CELF2: variants seen among roughly 807,000 people sequenced by gnomAD.
The protein encoded by CELF2 is CUG triplet repeat RNA-binding protein 2.
A neutral mutation model predicts 62.6 loss-of-function variants in CELF2; 8 were observed. The ratio of observed to expected loss-of-function variants is 0.13; its 90% confidence interval spans 0.07 to 0.23. The LOEUF (loss-of-function observed/expected upper bound fraction) is 0.23. Among genes scored for constraint, CELF2 ranks in the 10% least tolerant of loss-of-function variants. The pLI, the probability that CELF2 is intolerant of heterozygous loss-of-function variation, is 1.00. For missense variants in CELF2, 333 were observed against 671.0 expected, an observed-to-expected ratio of 0.50 and a Z score of 5.56; for synonymous variants, 258 against 250.0, an observed-to-expected ratio of 1.03 and a Z score of -0.30.
chr10:10,547,959 C>A, the CELF2 span, among the ~76,000 whole-genome samples: 1 of 152,064 alleles, frequency 6.6e-6, no homozygotes, highest in Non-Finnish European at 1.5e-5. Flanking sequence ...GAGAGGGATG[C>A]CATTCATAAA....
intron 2 of CELF2, among the ~76,000 whole-genome samples, chr10:10,948,938 C>T (rs1049518197): frequency 2.6e-5 from 4 of 152,254 alleles, no homozygotes; most frequent in African/African-American, 9.6e-5. Context: ...AAGTTTCCTG[C>T]TCCTGAGTGT....
the CELF2 span, among the ~76,000 whole-genome samples, chr10:10,626,284 C>T: frequency 6.6e-6 from 1 of 152,060 alleles, no homozygotes; most frequent in Non-Finnish European, 1.5e-5. Flanking sequence ...CTCATTCCTT[C>T]GAAAGGAAAG....
chr10:11,259,853 T>C (rs1002145067), intron 5 of CELF2, among the ~76,000 whole-genome samples: 1 of 152,230 alleles, frequency 6.6e-6, no homozygotes, highest in Non-Finnish European at 1.5e-5. Context: ...GAATAAAATA[T>C]GTAGAAAGAT....
At chr10:10,501,382 C>T in the CELF2 span, among the ~76,000 whole-genome samples, 1 of 152,154 alleles carries the variant, frequency 6.6e-6, no homozygotes, top group East Asian at 1.9e-4. Flanking sequence ...TTTTCAGGTG[C>T]TTATTTGACT....
At chr10:10,892,957 A>T (rs1055353155) in intron 1 of CELF2, among the ~76,000 whole-genome samples, 2 of 152,240 alleles carry the variant, frequency 1.3e-5, no homozygotes, top group Non-Finnish European at 2.9e-5. Context: ...ACAAAGAAAG[A>T]GGAAAATGTT....
the CELF2 span, among the ~76,000 whole-genome samples, chr10:10,685,538 A>G: frequency 6.6e-6 from 1 of 152,208 alleles, no homozygotes; most frequent in African/African-American, 2.4e-5. Flanking sequence ...ATCAGAATGT[A>G]TTTTAGATAG....
intron 2 of CELF2, among the ~76,000 whole-genome samples, chr10:11,216,364 G>A (rs551746366): frequency 1.1e-4 from 17 of 152,242 alleles, no homozygotes; most frequent in South Asian, 2.1e-4. Context: ...GTCTGGCTCC[G>A]TGCGTTATGT....
chr10:10,806,642 A>T (rs1174422273), intron 1 of CELF2, among the ~76,000 whole-genome samples: 1 of 152,200 alleles, frequency 6.6e-6, no homozygotes, highest in African/African-American at 2.4e-5. Context: ...GTATCAGATC[A>T]TGGAGCCAAA....
chr10:11,172,870 G>C (rs928282190), intron 2 of CELF2, among the ~76,000 whole-genome samples: 5 of 151,978 alleles, frequency 3.3e-5, no homozygotes, highest in African/African-American at 1.2e-4. Context: ...TGGAATTAAA[G>C]TAGCAGAAGA....
In CELF2 at chr10:11,008,867, T is replaced by A. The variant is rs1010731253; in HGVS notation, c.53+3427T>A. On this transcript the variant is annotated intron_variant, in intron 1 of 12. Coordinates refer to the CELF2 transcript ENST00000416382. The surrounding 1 kb of genome is among the most constrained non-coding windows in gnomAD (Gnocchi z 4.5). ...ATGCAGTTTGTTTTGTGGCATCATC[T>A]TCTTTGTGGCATTGATCTGTACTTT... Among the ~76,000 whole-genome samples, 1 of 152,182 alleles carries A rather than the reference T, an allele frequency of 6.6e-6. No individual in the cohort carries two copies. Among genetic ancestry groups the A allele is most frequent in the Admixed American group, 6.5e-5 (1 of 15,278 alleles).
At chr10:10,657,806 T>G in the CELF2 span, among the ~76,000 whole-genome samples, 1 of 152,236 alleles carries the variant, frequency 6.6e-6, no homozygotes, top group Non-Finnish European at 1.5e-5. Context: ...ATACAAGATG[T>G]TCATTATAAT....
chr10:10,973,229 C>A (rs2050949667), intron 2 of CELF2, among the ~76,000 whole-genome samples: 1 of 151,384 alleles, frequency 6.6e-6, no homozygotes, highest in Non-Finnish European at 1.5e-5. Context: ...TGCAGTGAGC[C>A]GAGACCACAC....
intron 1 of CELF2, among the ~76,000 whole-genome samples, chr10:11,043,695 G>T (rs769555006): frequency 6.6e-5 from 10 of 152,144 alleles, no homozygotes; most frequent in Non-Finnish European, 1.5e-4. Context: ...CAACAACCTT[G>T]TGGGTTCCGC....
intron 9 of CELF2, among the ~76,000 whole-genome samples, chr10:11,312,589 G>A (rs2094621353): frequency 6.6e-6 from 1 of 152,218 alleles, no homozygotes; most frequent in African/African-American, 2.4e-5. Context: ...ATATATGAAA[G>A]AGTAGGAATA....
the CELF2 span, among the ~76,000 whole-genome samples, chr10:10,554,022 G>A: frequency 6.6e-6 from 1 of 152,172 alleles, no homozygotes. Flanking sequence ...AGACTGGAAA[G>A]TGGCAGGAAT....
intron 1 of CELF2, among the ~76,000 whole-genome samples, chr10:10,894,002 A>C (rs1591627828): frequency 6.6e-6 from 1 of 152,294 alleles, no homozygotes; most frequent in East Asian, 1.9e-4. Flanking sequence ...GGAATCAGAG[A>C]GCGTTCTTGG....
In CELF2 at chr10:11,150,202, C is replaced by T. The variant is rs184271112; in HGVS notation, c.75-15284C>T. On this transcript the variant is annotated intron_variant, in intron 1 of 12. Coordinates refer to ENST00000633077, the MANE Select transcript of CELF2 (RefSeq NM_001326342.2). ...ATCAGTCATCTAGAAAACAAACATACACACTTTGTGATTTTCAAAGAAAAT... is the reference window on the plus strand; with the variant it reads ...ATCAGTCATCTAGAAAACAAACATATACACTTTGTGATTTTCAAAGAAAAT... Among the ~76,000 whole-genome samples the T allele has an allele frequency of 3.1e-3, 468 of 152,290 alleles. 3 individuals carry two copies. The highest frequency in any genetic ancestry group is 0.011 in the African/African-American group (446 of 41,546).
intron 1 of CELF2, among the ~76,000 whole-genome samples, chr10:11,031,928 C>T (rs72772094): frequency 0.048 from 7,328 of 152,056 alleles, 255 homozygotes; most frequent in Non-Finnish European, 0.076. Flanking sequence ...ACCCTTTTAG[C>T]GCTTCATTTG....
chr10:11,085,668 T>C (rs1254449843), intron 1 of CELF2, among the ~76,000 whole-genome samples: 1 of 151,556 alleles, frequency 6.6e-6, no homozygotes, highest in Admixed American at 6.6e-5. Context: ...AAGCAGGCGG[T>C]CTGGTTCAGG....
Sources: gnomAD v4.1 joint callset for allele counts (sites outside exome capture counted in the v4.1 genomes callset) on GRCh38, gnomAD v4.1.1 for gene constraint, Gnocchi (gnomAD v3.1) non-coding constraint, MANE v1.5 for transcripts, NCBI Gene and HGNC (gene_info 2026-07-23, HGNC 2026-07-21) for gene names.